Variants in RALGPS2 observed in about 807,000 individuals in gnomAD.
The protein encoded by RALGPS2 is ras-specific guanine nucleotide-releasing factor RalGPS2.
A neutral mutation model predicts 86.8 loss-of-function variants in RALGPS2; 43 were observed. The ratio of observed to expected loss-of-function variants is 0.50; its 90% CI spans 0.39 to 0.64. The LOEUF (loss-of-function observed/expected upper bound fraction) is 0.64, where lower values mean the gene tolerates loss of function less well. Among genes scored for constraint, RALGPS2 ranks in the 30% least tolerant of loss-of-function variants. The pLI, the probability that RALGPS2 is intolerant of heterozygous loss-of-function variation, is 0.00. For synonymous variants in RALGPS2, 243 were observed against 231.3 expected, an observed-to-expected ratio of 1.05 and a Z score of -0.46; for missense variants, 536 against 694.6, an observed-to-expected ratio of 0.77 and a Z score of 2.57.
intron 1 of RALGPS2, among the ~76,000 whole-genome samples, chr1:178,763,330 C>A (rs1052093244): frequency 6.6e-6 from 1 of 152,174 alleles, no homozygotes; most frequent in African/African-American, 2.4e-5. Flanking sequence ...TATTTGGGCT[C>A]TTTTGAGGTT....
chr1:178,787,935 G>A lies in RALGPS2; in HGVS notation c.213+2328G>A, dbSNP rs142183753. 5.9e-3 allele frequency among the ~76,000 whole-genome samples: 905 copies of A among 152,200 alleles called. 15 individuals carry two copies. Among genetic ancestry groups the A allele is most frequent in the African/African-American group, 0.021 (876 of 41,528 alleles). On this transcript the variant is annotated intron_variant, in intron 4 of 19. Coordinates refer to ENST00000367635, the MANE Select transcript of RALGPS2 (RefSeq NM_152663.5). ...ATCTGTTGGATCTGTTCATGTGATC[G>A]CTCTGCTTAAAACACTTCATTGGCT...
At chr1:178,858,170 T>G (rs1657721569) in intron 8 of RALGPS2, among the ~76,000 whole-genome samples, 1 of 152,144 alleles carries the variant, frequency 6.6e-6, no homozygotes, top group African/African-American at 2.4e-5. Context: ...CAGAATTCAA[T>G]ATTTATTTGT....
intron 6 of RALGPS2, among the ~76,000 whole-genome samples, chr1:178,815,048 TTGTG>T (rs972326874): frequency 6.6e-6 from 1 of 152,050 alleles, no homozygotes; most frequent in African/African-American, 2.4e-5. Context: ...TGGTCTTTTA[TTGTG>T]TGTGTTTTGG....
intron 6 of RALGPS2, among the ~76,000 whole-genome samples, chr1:178,821,271 G>GTTCA (rs1655490991): frequency 6.6e-6 from 1 of 152,176 alleles, no homozygotes; most frequent in Non-Finnish European, 1.5e-5. Context: ...CTTAGTAATA[G>GTTCA]TTCAGTATAA....
intron 4 of RALGPS2, among the ~76,000 whole-genome samples, chr1:178,791,511 C>T (rs183023959): frequency 6.6e-6 from 1 of 152,170 alleles, no homozygotes; most frequent in East Asian, 1.9e-4. Flanking sequence ...AAAATATGAA[C>T]TAAATTTCAA....
At chr1:178,855,951 A>G (rs1657507603) in intron 8 of RALGPS2, among the ~76,000 whole-genome samples, 1 of 148,744 alleles carries the variant, frequency 6.7e-6, no homozygotes, top group Admixed American at 6.7e-5. Context: ...CATTTTATAT[A>G]TAATATCTAA....
intron 2 of RALGPS2, among the ~76,000 whole-genome samples, chr1:178,780,039 G>A (rs1653313729): frequency 6.6e-6 from 1 of 152,186 alleles, no homozygotes; most frequent in Non-Finnish European, 1.5e-5. Context: ...CGGCCAATGT[G>A]TTGTTAATTT....
intron 15 of RALGPS2, 127 bp downstream of exon 15, chr1:178,892,434 C>A: frequency 2.8e-6 from 2 of 720,782 alleles, no homozygotes; most frequent in South Asian, 2.0e-5. Context: ...AAACAAATTA[C>A]CTAGAAAAAC....
intron 8 of RALGPS2, among the ~76,000 whole-genome samples, chr1:178,859,969 G>A (rs1304350932): frequency 2.6e-5 from 4 of 151,578 alleles, no homozygotes; most frequent in Non-Finnish European, 5.9e-5. Flanking sequence ...CACCCGTCTC[G>A]GCTACACAAA....
At chr1:178,810,446 T>C (rs1654921355) in intron 5 of RALGPS2, among the ~76,000 whole-genome samples, 1 of 152,056 alleles carries the variant, frequency 6.6e-6, no homozygotes, top group African/African-American at 2.4e-5. Flanking sequence ...TAAATTTAAT[T>C]AAGTTGGTGA....
intron 4 of RALGPS2, among the ~76,000 whole-genome samples, chr1:178,797,985 T>TAAA (rs57049056): frequency 0.036 from 3,450 of 95,262 alleles, 160 homozygotes; most frequent in African/African-American, 0.11. Context: ...CAACAATTTG[T>TAAA]AAAAAAAAAA....
chr1:178,837,824 C>T (rs750510648), intron 8 of RALGPS2, among the ~76,000 whole-genome samples: 1 of 152,184 alleles, frequency 6.6e-6, no homozygotes, highest in Non-Finnish European at 1.5e-5. Flanking sequence ...GGGTCACTCC[C>T]ACCCTAATAC....
intron 1 of RALGPS2, among the ~76,000 whole-genome samples, chr1:178,757,871 A>T (rs1198133163): frequency 6.6e-6 from 1 of 152,058 alleles, no homozygotes; most frequent in Non-Finnish European, 1.5e-5. Flanking sequence ...GACTGTTACC[A>T]GTTTTTCTTT....
At chr1:178,784,324 T>C (rs1241852991) in intron 2 of RALGPS2, 94 bp from the exon 3 acceptor site, 1 of 833,344 alleles carries the variant, frequency 1.2e-6, no homozygotes, top group African/African-American at 1.7e-5. Context: ...GTTAACCTAC[T>C]GTTTTGTTTT....
In RALGPS2 at chr1:178,844,043, T is replaced by A. The variant is rs866650173; in HGVS notation, c.607+10493T>A. On this transcript the variant is annotated intron_variant, in intron 8 of 19. Transcript: ENST00000367635. ...TCTATTCATGTGAAGGGAGGCTTAG[T>A]ACAGTTGACAAAAACTTCAGCATTT... 7.9e-5 allele frequency among the ~76,000 whole-genome samples: 12 copies of A among 152,326 alleles called. No individual in the cohort carries two copies. The South Asian group carries it at 2.1e-3, about 26-fold the overall frequency.
At chr1:178,800,628 G>A (rs1456604477) in intron 4 of RALGPS2, among the ~76,000 whole-genome samples, 1 of 152,158 alleles carries the variant, frequency 6.6e-6, no homozygotes, top group Non-Finnish European at 1.5e-5. Context: ...ACCTGTTGAT[G>A]TTATGAGTAA....
intron 1 of RALGPS2, among the ~76,000 whole-genome samples, chr1:178,745,403 CAA>C (rs1651260905): frequency 6.6e-6 from 1 of 152,154 alleles, no homozygotes; most frequent in African/African-American, 2.4e-5. Flanking sequence ...GTAGTCAAAA[CAA>C]TGTTGTATTT....
chr1:178,739,911 C>T (rs1262900918), intron 1 of RALGPS2, among the ~76,000 whole-genome samples: 1 of 152,212 alleles, frequency 6.6e-6, no homozygotes, highest in Non-Finnish European at 1.5e-5. Flanking sequence ...TCATCTGCTT[C>T]ATTCCAATAT....
At chr1:178,776,579 T>G in intron 1 of RALGPS2, 103 bp from the exon 2 acceptor site, 1 of 466,284 alleles carries the variant, frequency 2.1e-6, no homozygotes. Flanking sequence ...TAAATAGAGT[T>G]TAGTGAAGTT....
Sources: gnomAD v4.1 joint callset for allele counts (sites outside exome capture counted in the v4.1 genomes callset) on GRCh38, gnomAD v4.1.1 for gene constraint, MANE v1.5 for transcripts, NCBI Gene and HGNC (gene_info 2026-07-23, HGNC 2026-07-21) for gene names.